Variants in NR2F1-AS1 observed in about 807,000 individuals in gnomAD.
NR2F1-AS1 encodes the protein NR2F1 regulatory antisense RNA 1, also known as NR2F1 antisense RNA 1.
At chr5:93,496,815 C>T (rs181242154) in intron 4 of NR2F1-AS1, among the ~76,000 whole-genome samples, 3 of 152,280 alleles carry the variant, frequency 2.0e-5, no homozygotes, top group Admixed American at 2.0e-4. Flanking sequence ...TAGGAGTCAG[C>T]ATTCTTGGAT....
At chr5:93,498,473 T>C (rs1223701573) in intron 4 of NR2F1-AS1, among the ~76,000 whole-genome samples, 2 of 152,158 alleles carry the variant, frequency 1.3e-5, no homozygotes, top group African/African-American at 4.8e-5. Context: ...CAAGTAAATG[T>C]GTCATCCTCA....
chr5:93,455,924 T>C (rs1043407025), intron 4 of NR2F1-AS1, among the ~76,000 whole-genome samples: 12 of 151,684 alleles, frequency 7.9e-5, no homozygotes, highest in Non-Finnish European at 1.5e-5. Flanking sequence ...TAATAAACCC[T>C]GAACAAACTA....
intron 1 of NR2F1-AS1, among the ~76,000 whole-genome samples, chr5:93,565,559 A>T (rs1423420918): frequency 6.6e-6 from 1 of 152,064 alleles, no homozygotes; most frequent in Non-Finnish European, 1.5e-5. Flanking sequence ...CTTCAATTGT[A>T]CTGTTAATAT....
upstream of NR2F1-AS1, among the ~76,000 whole-genome samples, chr5:93,582,072 CTCTG>C (rs1288857744): frequency 4.0e-4 from 58 of 143,964 alleles, 1 homozygote; most frequent in Admixed American, 8.3e-4. Flanking sequence ...TCTCCTCTCT[CTCTG>C]TCTCTCTCTC....
chr5:93,584,155 G>C (rs1274273469), upstream of NR2F1-AS1: 1 of 149,396 alleles, frequency 6.7e-6, no homozygotes, highest in Non-Finnish European at 1.5e-5. Context: ...GGCTCCCGCC[G>C]GGACAGCGGC....
rs192142390 is a variant in NR2F1-AS1 at position 93,445,259 on chromosome 5, G to A, written n.639-49717C>T. 5.7e-3 allele frequency among the ~76,000 whole-genome samples: 869 copies of A among 152,252 alleles called. 8 individuals are homozygous for A. The highest frequency in any genetic ancestry group is 0.02 in the African/African-American group (833 of 41,552). The stretch of plus-strand genomic sequence containing the variant: ...ACCCTTCAAAATATCAATGAATCCA[G>A]GAGTTGGTTTTTTGAAAGGATCAAC... On this transcript the variant is annotated intron_variant and non_coding_transcript_variant, in intron 4 of 5. Coordinates refer to ENST00000660523, the Ensembl canonical transcript of NR2F1-AS1.
chr5:93,469,225 C>T (rs962036877), intron 4 of NR2F1-AS1, among the ~76,000 whole-genome samples: 1 of 152,076 alleles, frequency 6.6e-6, no homozygotes, highest in African/African-American at 2.4e-5. Context: ...CTACAGGGTA[C>T]AGCCTACTAC....
intron 4 of NR2F1-AS1, among the ~76,000 whole-genome samples, chr5:93,487,030 T>C (rs1750738976): frequency 1.3e-5 from 2 of 152,174 alleles, no homozygotes; most frequent in Non-Finnish European, 2.9e-5. Context: ...GAAAAGGCCT[T>C]TGATAAAATT....
intron 2 of NR2F1-AS1, among the ~76,000 whole-genome samples, chr5:93,557,287 T>C (rs528972440): frequency 2.0e-5 from 3 of 152,350 alleles, no homozygotes; most frequent in East Asian, 3.9e-4. Flanking sequence ...AATGAGTTAC[T>C]TGATGAGCAA....
upstream of NR2F1-AS1, among the ~76,000 whole-genome samples, chr5:93,582,023 A>G (rs1290217112): frequency 2.5e-5 from 2 of 79,594 alleles, no homozygotes; most frequent in South Asian, 8.7e-4. Context: ...CTCTCTCTCA[A>G]TATCTCGCGC....
intron 1 of NR2F1-AS1, among the ~76,000 whole-genome samples, chr5:93,569,588 G>A (rs1289443866): frequency 3.3e-5 from 5 of 152,162 alleles, no homozygotes; most frequent in African/African-American, 1.2e-4. Context: ...TAAACATGGA[G>A]AGAGTACAGT....
At chr5:93,567,396 T>C (rs1457350947) in intron 1 of NR2F1-AS1, among the ~76,000 whole-genome samples, 1 of 152,152 alleles carries the variant, frequency 6.6e-6, no homozygotes, top group Non-Finnish European at 1.5e-5. Context: ...GCCTATTGAT[T>C]GCTGTTTCAG....
chr5:93,566,577 G>A (rs1278885061), intron 1 of NR2F1-AS1, among the ~76,000 whole-genome samples: 3 of 151,970 alleles, frequency 2.0e-5, no homozygotes, highest in African/African-American at 7.2e-5. Flanking sequence ...GTGTTGTTCT[G>A]TTTTCTTTGC....
intron 2 of NR2F1-AS1, among the ~76,000 whole-genome samples, chr5:93,561,128 C>T (rs978882551): frequency 6.6e-6 from 1 of 152,144 alleles, no homozygotes; most frequent in African/African-American, 2.4e-5. Context: ...ACAAAATTAG[C>T]TGGGTGTGCT....
At chr5:93,419,885 T>C (rs113347892) in intron 4 of NR2F1-AS1, among the ~76,000 whole-genome samples, 1,747 of 152,216 alleles carry the variant, frequency 0.011, 30 homozygotes, top group African/African-American at 0.04. Context: ...AAAACACACA[T>C]GGCTAAGCTA....
At chr5:93,561,139 G>C (rs1752478264) in intron 2 of NR2F1-AS1, among the ~76,000 whole-genome samples, 1 of 152,158 alleles carries the variant, frequency 6.6e-6, no homozygotes, top group South Asian at 2.1e-4. Context: ...TGGGTGTGCT[G>C]GCACATGCCT....
At chr5:93,577,115 A>C (rs1752914110) in intron 1 of NR2F1-AS1, among the ~76,000 whole-genome samples, 1 of 152,238 alleles carries the variant, frequency 6.6e-6, no homozygotes, top group African/African-American at 2.4e-5. Flanking sequence ...CTCGATTTGC[A>C]TCCAAAGGTC....
intron 4 of NR2F1-AS1, among the ~76,000 whole-genome samples, chr5:93,426,296 C>T (rs565946079): frequency 6.6e-6 from 1 of 151,670 alleles, no homozygotes; most frequent in East Asian, 1.9e-4. Context: ...GACCCTTCCA[C>T]CTTGACCTCC....
At chr5:93,581,724 CTCTCT>C (rs1753052166), upstream of NR2F1-AS1, among the ~76,000 whole-genome samples, 4 of 69,024 alleles carry the variant, frequency 5.8e-5, no homozygotes, top group African/African-American at 8.1e-5. Context: ...CTCTCTCTCT[CTCTCT>C]CTCTCCCCCT....
Sources: allele counts gnomAD v4.1 joint callset (sites outside exome capture counted in the v4.1 genomes callset), GRCh38; gene constraint gnomAD v4.1.1; transcripts MANE v1.5; gene names NCBI Gene and HGNC (gene_info 2026-07-23, HGNC 2026-07-21).